The following FKBP5 variants were observed in gnomAD, a reference collection of about 807,000 sequenced individuals.
FKBP5 encodes FKBP prolyl isomerase 5.
A neutral mutation model predicts 50.5 loss-of-function variants in FKBP5; 23 were observed. The ratio of observed to expected loss-of-function variants is 0.46; its 90% CI spans 0.33 to 0.65. The LOEUF is 0.65. FKBP5 is among the 30% of genes least tolerant of loss of function. The pLI is 0.02. For synonymous variants in FKBP5, 176 were observed against 190.6 expected, an observed-to-expected ratio of 0.92 and a Z score of 0.63; for missense variants, 411 against 553.1, an observed-to-expected ratio of 0.74 and a Z score of 2.58.
intron 9 of FKBP5, among the ~76,000 whole-genome samples, chr6:35,578,634 G>A (rs1405998140): frequency 6.6e-6 from 1 of 151,798 alleles, no homozygotes. Context: ...CTGGTGTGGT[G>A]GTCGGCACCT....
chr6:35,628,683 T>A lies in FKBP5; in HGVS notation c.250+8331A>T, dbSNP rs149697932. Among the ~76,000 whole-genome samples, 1,316 of 152,336 alleles carry A rather than the reference T, an allele frequency of 8.6e-3. 14 individuals carry two copies. The highest frequency in any genetic ancestry group is 0.033 in the South Asian group (160 of 4,832). On this transcript the variant is annotated intron_variant, in intron 3 of 10. Transcript: ENST00000357266. ...TTTATACTAAATAAAGCAAATTATT[T>A]TTCCTGTATACCTTTTCCTCATATA...
chr6:35,669,077 C>T (rs1581868118), intron 1 of FKBP5, among the ~76,000 whole-genome samples: 1 of 152,144 alleles, frequency 6.6e-6, no homozygotes, highest in African/African-American at 2.4e-5. Flanking sequence ...TTCTTCTCAA[C>T]TCTAAGAAAG....
chr6:35,706,317 C>T (rs753812552), intron 2 of FKBP5, among the ~76,000 whole-genome samples: 5 of 149,416 alleles, frequency 3.3e-5, no homozygotes, highest in African/African-American at 1.2e-4. Context: ...CCAGCTAATC[C>T]GGAGGCTGAG....
intron 2 of FKBP5, among the ~76,000 whole-genome samples, chr6:35,711,855 A>G (rs1430279563): frequency 1.3e-5 from 2 of 152,046 alleles, no homozygotes; most frequent in South Asian, 2.1e-4. Context: ...AGTCTGGTAC[A>G]TTATGTTTCT....
At chr6:35,625,455 A>G (rs976276674) in intron 3 of FKBP5, among the ~76,000 whole-genome samples, 1 of 151,656 alleles carries the variant, frequency 6.6e-6, no homozygotes, top group African/African-American at 2.4e-5. Flanking sequence ...CACCAAGAAT[A>G]GGCCGGTGCA....
chr6:35,582,560 C>T (rs1762469159), intron 8 of FKBP5: 2 of 700,412 alleles, frequency 2.9e-6, no homozygotes, highest in Non-Finnish European at 3.5e-6. Context: ...AGGAGAGGCC[C>T]TCCCCAGACA....
At chr6:35,622,220 T>C (rs910096589) in intron 3 of FKBP5, among the ~76,000 whole-genome samples, 4 of 152,284 alleles carry the variant, frequency 2.6e-5, no homozygotes, top group Admixed American at 2.6e-4. Flanking sequence ...TAAAAATATA[T>C]GTAAGTGGCC....
At chr6:35,709,213 C>T (rs894773775) in intron 2 of FKBP5, among the ~76,000 whole-genome samples, 39 of 152,218 alleles carry the variant, frequency 2.6e-4, no homozygotes, top group Admixed American at 1.9e-3. Context: ...AGAGTGCTTG[C>T]ACGGGAAAAC....
At chr6:35,576,861 G>A (rs1762234910) in intron 10 of FKBP5, 133 bp downstream of exon 10, 7 of 1,119,214 alleles carry the variant, frequency 6.3e-6, no homozygotes, top group Non-Finnish European at 8.9e-6. Context: ...ATCCAAAGCA[G>A]CCTCAGATTA....
At chr6:35,644,652 C>A (rs1202575916) in intron 1 of FKBP5, among the ~76,000 whole-genome samples, 1 of 152,112 alleles carries the variant, frequency 6.6e-6, no homozygotes, top group African/African-American at 2.4e-5. Context: ...CTCAAACAAA[C>A]AACAAAAATT....
chr6:35,655,166 C>T (rs533984290), intron 1 of FKBP5, among the ~76,000 whole-genome samples: 1 of 152,096 alleles, frequency 6.6e-6, no homozygotes, highest in African/African-American at 2.4e-5. Flanking sequence ...TAAAAAGAAA[C>T]AGAAATTTAA....
Position 35,648,095 on chromosome 6 carries a change from T to C in FKBP5, c.-19-5252A>G, listed in dbSNP as rs544896161. On this transcript the variant is annotated intron_variant, in intron 1 of 10. Coordinates refer to ENST00000357266, the MANE Select transcript of FKBP5 (RefSeq NM_004117.4). ...GATGTCTGGACTCCAGCCCAGAGAG[T>C]CTGGATTTAATTGGTCTGTGGTGGG... 4.6e-5 allele frequency among the ~76,000 whole-genome samples: 7 copies of C among 151,864 alleles called. No homozygotes were observed. In the South Asian group the frequency reaches 1.3e-3, roughly 27 times the overall value.
intron 8 of FKBP5, chr6:35,582,842 G>A: frequency 1.0e-6 from 1 of 984,054 alleles, no homozygotes; most frequent in Non-Finnish European, 1.2e-6. Flanking sequence ...TCTCCCTTTT[G>A]GAATATTCAG....
chr6:35,651,357 G>C lies in FKBP5; in HGVS notation c.-19-8514C>G, dbSNP rs77784979. 7.9e-4 allele frequency among the ~76,000 whole-genome samples: 121 copies of C among 152,224 alleles called. No individual in the cohort carries two copies. In the East Asian group the frequency reaches 0.02, roughly 25 times the overall value. ...AAACATTTCATGGTTCCACTCATCA[G>C]GACTTTTTATTCTTTCTCTTCAATT... On this transcript the variant is annotated intron_variant, in intron 1 of 10. Transcript: ENST00000357266.
At chr6:35,722,299 C>A (rs1025315738) in intron 1 of FKBP5, among the ~76,000 whole-genome samples, 2 of 152,106 alleles carry the variant, frequency 1.3e-5, no homozygotes, top group African/African-American at 2.4e-5. Flanking sequence ...CAAACATCAG[C>A]GCTTGCTAAA....
intron 2 of FKBP5, among the ~76,000 whole-genome samples, chr6:35,711,618 A>G (rs1364223129): frequency 6.6e-6 from 1 of 151,914 alleles, no homozygotes; most frequent in Non-Finnish European, 1.5e-5. Flanking sequence ...ACTCCACTTC[A>G]AAAAAAAGGA....
At chr6:35,716,137 C>T (rs537616783) in intron 2 of FKBP5, among the ~76,000 whole-genome samples, 59 of 152,110 alleles carry the variant, frequency 3.9e-4, no homozygotes, top group African/African-American at 1.1e-3. Flanking sequence ...CTCAAGACGC[C>T]GAGGTAGGAG....
intron 5 of FKBP5, among the ~76,000 whole-genome samples, chr6:35,609,666 T>C (rs1435799007): frequency 6.6e-6 from 1 of 152,232 alleles, no homozygotes; most frequent in African/African-American, 2.4e-5. Flanking sequence ...TTCTAATTTC[T>C]TTTTCACTTT....
chr6:35,685,663 T>C (rs1167298465), intron 1 of FKBP5, among the ~76,000 whole-genome samples: 2 of 152,172 alleles, frequency 1.3e-5, no homozygotes, highest in African/African-American at 4.8e-5. Flanking sequence ...TCATGCCGGG[T>C]ACAGCAAGCA....
Sources: gnomAD v4.1 joint callset for allele counts (sites outside exome capture counted in the v4.1 genomes callset) on GRCh38, gnomAD v4.1.1 for gene constraint, MANE v1.5 for transcripts, NCBI Gene and HGNC (gene_info 2026-07-23, HGNC 2026-07-21) for gene names.